Variants in FBXW10B observed in about 807,000 individuals in gnomAD.
FBXW10B encodes the protein F-box and WD repeat domain containing protein 10B.
chr17:15,598,020 C>T, the FBXW10B span, among the ~76,000 whole-genome samples: 1 of 152,148 alleles, frequency 6.6e-6, no homozygotes, highest in Non-Finnish European at 1.5e-5. Context: ...CTAGGTTAGC[C>T]CTAACTATGT....
chr17:15,580,825 G>A, the FBXW10B span, among the ~76,000 whole-genome samples: 1 of 151,930 alleles, frequency 6.6e-6, no homozygotes, highest in Non-Finnish European at 1.5e-5. Context: ...TAGGCAATGA[G>A]AAATTTTAAT....
At chr17:15,615,064 T>C in the FBXW10B span, among the ~76,000 whole-genome samples, 1 of 152,270 alleles carries the variant, frequency 6.6e-6, no homozygotes, top group East Asian at 1.9e-4. Context: ...ATCTCTATTT[T>C]CAGATGTGTC....
At chr17:15,586,641 T>C in the FBXW10B span, among the ~76,000 whole-genome samples, 2 of 151,458 alleles carry the variant, frequency 1.3e-5, no homozygotes, top group African/African-American at 4.9e-5. Context: ...TGGTGAGGGA[T>C]ACAGTTGAGG....
the FBXW10B span, among the ~76,000 whole-genome samples, chr17:15,582,073 C>T: frequency 6.6e-6 from 1 of 151,388 alleles, no homozygotes; most frequent in Non-Finnish European, 1.5e-5. Flanking sequence ...AAGGAGAAAA[C>T]TCAGGTGTGT....
At chr17:15,609,119 A>C in the FBXW10B span, among the ~76,000 whole-genome samples, 4 of 147,188 alleles carry the variant, frequency 2.7e-5, no homozygotes, top group Non-Finnish European at 6.0e-5. Context: ...AATAGCCAGA[A>C]ATAACAGTCC....
chr17:15,577,736 A>G, the FBXW10B span, among the ~76,000 whole-genome samples: 1 of 152,238 alleles, frequency 6.6e-6, no homozygotes, highest in South Asian at 2.1e-4. Flanking sequence ...GGTTGGTGTT[A>G]GATGAGTGGA....
At chr17:15,598,443 C>A in the FBXW10B span, 1 of 1,608,048 alleles carries the variant, frequency 6.2e-7, no homozygotes, top group South Asian at 1.1e-5. Context: ...AAATGAGTGC[C>A]TGCCTATAGA....
chr17:15,606,636 T>C, the FBXW10B span, among the ~76,000 whole-genome samples: 1 of 145,022 alleles, frequency 6.9e-6, no homozygotes, highest in Admixed American at 6.7e-5. Context: ...TACATATATG[T>C]ATATGTGTAT....
At chr17:15,595,028 A>G in the FBXW10B span, 1 of 1,325,992 alleles carries the variant, frequency 7.5e-7, no homozygotes, top group Non-Finnish European at 1.0e-6. Context: ...TACCTGAGCT[A>G]ATCCTGCTTT....
chr17:15,612,271 G>A, the FBXW10B span, among the ~76,000 whole-genome samples: 1 of 152,140 alleles, frequency 6.6e-6, no homozygotes, highest in Admixed American at 6.5e-5. Flanking sequence ...ACTTTGGGAG[G>A]CCGAGGCGGG....
chr17:15,611,751 T>C, the FBXW10B span, among the ~76,000 whole-genome samples: 2 of 152,102 alleles, frequency 1.3e-5, no homozygotes, highest in Non-Finnish European at 2.9e-5. Flanking sequence ...GACTTCAAAA[T>C]AGACTTTAAG....
At chr17:15,598,325 C>T in the FBXW10B span, 6 of 591,440 alleles carry the variant, frequency 1.0e-5, no homozygotes, top group South Asian at 7.4e-5. Flanking sequence ...GTGTGGCTTG[C>T]TGTAGGTATT....
the FBXW10B span, among the ~76,000 whole-genome samples, chr17:15,602,237 C>G: frequency 2.0e-5 from 3 of 151,398 alleles, no homozygotes; most frequent in Non-Finnish European, 4.4e-5. Flanking sequence ...TGATTAAAAA[C>G]AGAAAGACAG....
At chr17:15,594,539 C>A in the FBXW10B span, 6 of 642,438 alleles carry the variant, frequency 9.3e-6, no homozygotes, top group South Asian at 2.7e-5. Context: ...ACAAGAAAAA[C>A]AAGGGAGAGT....
chr17:15,608,616 G>A, the FBXW10B span, among the ~76,000 whole-genome samples: 3 of 151,974 alleles, frequency 2.0e-5, no homozygotes, highest in African/African-American at 7.2e-5. Flanking sequence ...ACCACGCCTG[G>A]CTAATTTTTG....
the FBXW10B span, among the ~76,000 whole-genome samples, chr17:15,579,255 C>T: frequency 6.6e-6 from 1 of 152,116 alleles, no homozygotes; most frequent in Non-Finnish European, 1.5e-5. Flanking sequence ...ACATTCTTTG[C>T]ATTTCTTTTA....
At chr17:15,604,778 C>G in the FBXW10B span, among the ~76,000 whole-genome samples, 1 of 152,048 alleles carries the variant, frequency 6.6e-6, no homozygotes, top group Non-Finnish European at 1.5e-5. Flanking sequence ...ACCTCGTGAC[C>G]CGCCCACCTC....
the FBXW10B span, among the ~76,000 whole-genome samples, chr17:15,586,883 T>G: frequency 6.6e-6 from 1 of 151,564 alleles, no homozygotes; most frequent in Non-Finnish European, 1.5e-5. Flanking sequence ...GGTTTATCTT[T>G]AAAAGGAATG....
the FBXW10B span, among the ~76,000 whole-genome samples, chr17:15,575,229 A>C: frequency 2.0e-5 from 3 of 147,766 alleles, no homozygotes; most frequent in African/African-American, 5.3e-5. Context: ...CTTATTTTGG[A>C]ATGTTTCCGG....
Sources: gnomAD v4.1 joint callset for allele counts (sites outside exome capture counted in the v4.1 genomes callset) on GRCh38, gnomAD v4.1.1 for gene constraint, MANE v1.5 for transcripts, NCBI Gene and HGNC (gene_info 2026-07-23, HGNC 2026-07-21) for gene names.